The following REV1 variants were observed in gnomAD, a reference collection of about 807,000 sequenced individuals.
The protein encoded by REV1 is translesion synthesis protein REV1.
In REV1, 42 loss-of-function variants were observed where a neutral mutation model predicts 137.4. The ratio of observed to expected loss-of-function variants is 0.31; its 90% CI spans 0.24 to 0.40. The LOEUF (loss-of-function observed/expected upper bound fraction) is 0.40. Among genes scored for constraint, REV1 ranks in the 10% least tolerant of loss-of-function variants. The pLI is 1.00. For missense variants in REV1, 1,282 were observed against 1,490.1 expected, an observed-to-expected ratio of 0.86 and a Z score of 2.30; for synonymous variants, 524 against 519.2, an observed-to-expected ratio of 1.01 and a Z score of -0.12.
chr2:99,404,283 C>G (rs1675943403), intron 18 of REV1, among the ~76,000 whole-genome samples, 161 bp downstream of exon 18: 1 of 152,116 alleles, frequency 6.6e-6, no homozygotes, highest in Admixed American at 6.6e-5. Context: ...CCTGCAGATG[C>G]AGGAGATGGA....
intron 10 of REV1, 109 bp from the exon 11 acceptor site, chr2:99,421,762 G>A: frequency 2.5e-6 from 3 of 1,214,100 alleles, no homozygotes; most frequent in Non-Finnish European, 3.4e-6. Context: ...TCCTCACAAA[G>A]CATTTTAAAT....
intron 1 of REV1, among the ~76,000 whole-genome samples, chr2:99,479,144 A>T (rs889453249): frequency 6.6e-6 from 1 of 151,908 alleles, no homozygotes; most frequent in Non-Finnish European, 1.5e-5. Context: ...ACTGGCCAAC[A>T]TGGTGAAATC....
intron 1 of REV1, among the ~76,000 whole-genome samples, chr2:99,470,611 T>G (rs1432281730): frequency 6.6e-6 from 1 of 152,230 alleles, no homozygotes; most frequent in South Asian, 2.1e-4. Context: ...TCTTCCTTAT[T>G]TGAAGGTGTT....
chr2:99,456,703 C>T (rs1255651873), intron 3 of REV1, among the ~76,000 whole-genome samples: 1 of 152,326 alleles, frequency 6.6e-6, no homozygotes, highest in African/African-American at 2.4e-5. Context: ...AGCAATAATG[C>T]TATGAATTAT....
rs1024408128 is a variant in REV1 at position 99,487,417 on chromosome 2, T to A, written c.-11+2400A>T. ...TCAGGGAGCAAGAGAAATAAACCAG[T>A]AAAGGCACTATGGAAACACTCCAAC... On this transcript the variant is annotated intron_variant, in intron 1 of 22. Transcript: ENST00000258428. Among the ~76,000 whole-genome samples the A allele has an allele frequency of 3.4e-5, 4 of 118,142 alleles. 2 individuals carry two copies. The highest frequency in any genetic ancestry group is 7.4e-5 in the Non-Finnish European group (4 of 54,260). 77.5% of individuals were successfully genotyped at this position (118,142 alleles called of 152,430 possible).
At chr2:99,433,471 A>G (rs1040467559) in intron 8 of REV1, among the ~76,000 whole-genome samples, 1 of 152,212 alleles carries the variant, frequency 6.6e-6, no homozygotes, top group Non-Finnish European at 1.5e-5. Flanking sequence ...TATAATCCCA[A>G]AAAAGGTCCT....
intron 4 of REV1, 135 bp from the exon 5 acceptor site, chr2:99,442,604 G>A (rs758370983): frequency 2.4e-6 from 2 of 823,238 alleles, no homozygotes; most frequent in Non-Finnish European, 3.8e-6. Context: ...ATTCCTTCTT[G>A]CTCGGTTTTA....
chr2:99,421,869 T>C (rs1575042308), intron 10 of REV1, among the ~76,000 whole-genome samples: 1 of 152,148 alleles, frequency 6.6e-6, no homozygotes, highest in Non-Finnish European at 1.5e-5. Context: ...ATACAGCATA[T>C]TGGATAGGAA....
rs1677033314 is a variant in REV1 at position 99,410,840 on chromosome 2, T to C, written c.2200A>G (p.Ser734Gly). The change falls in exon 14 of 23, where the codon AGT (serine) becomes GGT (glycine). Residue 734 changes from serine (S) to glycine (G), a missense_variant. By Grantham distance (56) the Ser-to-Gly change is moderately conservative. This residue lies in a region of REV1 where 372 missense variants were observed against 482.3 expected (regional missense o/e 0.77). Transcript: ENST00000258428. ...CTTCTTTGAATTTCTTCTGAAAGAC[T>C]CAGAAGAAAAGCTTCTGCCTCTTTT... ...QPKEAEAFLL[S>G]LSEEIQRRLE... 5.0e-6 allele frequency: 8 copies of C among 1,593,098 alleles called. No individual in the cohort carries two copies. The highest frequency in any genetic ancestry group is 6.8e-6 in the Non-Finnish European group (8 of 1,174,830).
chr2:99,421,446 A>G, intron 11 of REV1, 53 bp downstream of exon 11: 5 of 1,522,224 alleles, frequency 3.3e-6, no homozygotes, highest in Non-Finnish European at 4.4e-6. Flanking sequence ...ATTAACTGAT[A>G]TTCAAGAATC....
chr2:99,435,692 T>C, intron 7 of REV1, 142 bp downstream of exon 7: 1 of 539,198 alleles, frequency 1.9e-6, no homozygotes, highest in Non-Finnish European at 3.3e-6. Flanking sequence ...ATACCTTCCC[T>C]GATAATCGAA....
intron 4 of REV1, among the ~76,000 whole-genome samples, chr2:99,443,166 C>T (rs28382870): frequency 0.011 from 1,673 of 152,276 alleles, 9 homozygotes; most frequent in Middle Eastern, 0.024. Flanking sequence ...GCTACTCTAC[C>T]TTTAAAATTA....
At chr2:99,450,819 G>A (rs547899347) in intron 3 of REV1, among the ~76,000 whole-genome samples, 1 of 151,988 alleles carries the variant, frequency 6.6e-6, no homozygotes, top group East Asian at 1.9e-4. Flanking sequence ...GAATCCAGTG[G>A]GTATTTTACA....
intron 3 of REV1, among the ~76,000 whole-genome samples, chr2:99,460,467 A>AAT (rs955875978): frequency 2.6e-5 from 4 of 152,158 alleles, no homozygotes; most frequent in African/African-American, 4.8e-5. Flanking sequence ...ATGATACCAA[A>AAT]ATATATATAT....
intron 1 of REV1, among the ~76,000 whole-genome samples, chr2:99,484,971 C>A (rs1416874392): frequency 6.6e-6 from 1 of 152,166 alleles, no homozygotes; most frequent in African/African-American, 2.4e-5. Flanking sequence ...TAAGACACTG[C>A]ACCTAGGAAA....
At chr2:99,419,046 A>C in intron 11 of REV1, 99 bp from the exon 12 acceptor site, 3 of 1,017,408 alleles carry the variant, frequency 2.9e-6, no homozygotes, top group Non-Finnish European at 4.4e-6. Context: ...GTTTCTAAAA[A>C]CAATGAAAAT....
intron 11 of REV1, among the ~76,000 whole-genome samples, chr2:99,419,959 C>A (rs533568853): frequency 6.6e-6 from 1 of 152,226 alleles, no homozygotes; most frequent in South Asian, 2.1e-4. Context: ...GTAGTGAGTT[C>A]AGGGGAGGGG....
chr2:99,410,911 A>G (rs1338663268), intron 13 of REV1, 44 bp from the exon 14 acceptor site: 10 of 1,475,492 alleles, frequency 6.8e-6, no homozygotes, highest in Non-Finnish European at 9.1e-6. Flanking sequence ...CCACTTTCCT[A>G]TATACCTAAT....
chr2:99,462,440 T>G, intron 3 of REV1, 56 bp downstream of exon 3: 1 of 1,495,820 alleles, frequency 6.7e-7, no homozygotes, highest in Non-Finnish European at 9.1e-7. Flanking sequence ...AAACAAATCA[T>G]TCTCAATCCT....
Sources: allele counts gnomAD v4.1 joint callset (sites outside exome capture counted in the v4.1 genomes callset), GRCh38; gene constraint gnomAD v4.1.1; regional missense constraint gnomAD v4.1.1; transcripts MANE v1.5; gene names NCBI Gene and HGNC (gene_info 2026-07-23, HGNC 2026-07-21).